MRTFB: variants seen among roughly 807,000 people sequenced by gnomAD.
MRTFB encodes myocardin-related transcription factor B.
A neutral mutation model predicts 104.2 loss-of-function variants in MRTFB; 29 were observed. The ratio of observed to expected loss-of-function variants is 0.28; its 90% confidence interval spans 0.21 to 0.38. MRTFB has a LOEUF of 0.38. Among genes scored for constraint, MRTFB ranks in the 10% least tolerant of loss-of-function variants. The pLI, the probability that MRTFB is intolerant of heterozygous loss-of-function variation, is 1.00. For synonymous variants in MRTFB, 535 were observed against 519.5 expected, an observed-to-expected ratio of 1.03 and a Z score of -0.41; for missense variants, 1,270 against 1,341.6, an observed-to-expected ratio of 0.95 and a Z score of 0.83.
chr16:14,017,987 GC>G, the MRTFB span, among the ~76,000 whole-genome samples: 1 of 151,814 alleles, frequency 6.6e-6, no homozygotes, highest in Non-Finnish European at 1.5e-5. Flanking sequence ...CTCCCAAAGT[GC>G]TGGGGTTACA....
chr16:14,207,735 G>T (rs890299804), intron 3 of MRTFB, among the ~76,000 whole-genome samples: 1 of 152,160 alleles, frequency 6.6e-6, no homozygotes, highest in Non-Finnish European at 1.5e-5. Flanking sequence ...CTTCCATTTG[G>T]CTATCCCTGA....
At chr16:14,198,729 T>A (rs2040549116) in intron 3 of MRTFB, among the ~76,000 whole-genome samples, 1 of 152,238 alleles carries the variant, frequency 6.6e-6, no homozygotes, top group South Asian at 2.1e-4. Flanking sequence ...AAAGCCATTA[T>A]CTGGGAACTC....
intron 3 of MRTFB, among the ~76,000 whole-genome samples, chr16:14,192,448 A>C (rs1471620372): frequency 6.6e-6 from 1 of 152,226 alleles, no homozygotes; most frequent in Non-Finnish European, 1.5e-5. Flanking sequence ...ATATCTCTTC[A>C]CAGACATTAT....
chr16:14,244,857 A>G lies in MRTFB; in HGVS notation c.1080-671A>G, dbSNP rs936525160. ...GTCCTGCACTGTGGCTTGACTTTTC[A>G]CTGTCTTAAAGATGTCCCTTTTACT... On this transcript the variant is annotated intron_variant, in intron 10 of 16. Transcript: ENST00000571589. Among the ~76,000 whole-genome samples, 10 of 152,112 alleles carry G rather than the reference A, an allele frequency of 6.6e-5. No individual in the cohort carries two copies. The East Asian group carries it at 1.7e-3, about 26-fold the overall frequency.
At chr16:14,242,239 C>A (rs1480230808) in intron 10 of MRTFB, among the ~76,000 whole-genome samples, 1 of 151,984 alleles carries the variant, frequency 6.6e-6, no homozygotes, top group Non-Finnish European at 1.5e-5. Context: ...TAGGAAGAAT[C>A]CATCAGAGGT....
At chr16:14,002,319 G>T in the MRTFB span, among the ~76,000 whole-genome samples, 1 of 151,924 alleles carries the variant, frequency 6.6e-6, no homozygotes, top group Admixed American at 6.6e-5. Context: ...GGAGGCGGAG[G>T]TTGCAGTGAG....
intron 3 of MRTFB, among the ~76,000 whole-genome samples, chr16:14,160,670 A>G (rs1035559030): frequency 7.3e-5 from 11 of 151,294 alleles, no homozygotes; most frequent in Admixed American, 7.2e-4. Context: ...TTCTCTATTC[A>G]CTAGCACTAT....
chr16:14,052,646 G>A, the MRTFB span, among the ~76,000 whole-genome samples: 1 of 151,764 alleles, frequency 6.6e-6, no homozygotes, highest in Non-Finnish European at 1.5e-5. Context: ...GTATGAGGCA[G>A]GAGAATCTCT....
intron 2 of MRTFB, among the ~76,000 whole-genome samples, chr16:14,096,462 T>C (rs1228993528): frequency 2.0e-5 from 3 of 152,202 alleles, no homozygotes; most frequent in African/African-American, 4.8e-5. Flanking sequence ...AGATTTTTAT[T>C]GATTATATGT....
chr16:14,096,230 G>A (rs1448688945), intron 2 of MRTFB, among the ~76,000 whole-genome samples: 2 of 151,906 alleles, frequency 1.3e-5, no homozygotes, highest in Non-Finnish European at 2.9e-5. Flanking sequence ...TGTCCACCAC[G>A]CCCAGCTAAT....
intron 8 of MRTFB, among the ~76,000 whole-genome samples, chr16:14,231,196 A>G (rs1026315154): frequency 1.3e-5 from 2 of 151,696 alleles, no homozygotes; most frequent in African/African-American, 4.9e-5. Flanking sequence ...TGACGAGTTA[A>G]TGGGTGCAGC....
intron 3 of MRTFB, among the ~76,000 whole-genome samples, chr16:14,194,392 G>A (rs528131947): frequency 1.3e-5 from 2 of 152,330 alleles, no homozygotes; most frequent in South Asian, 4.1e-4. Context: ...CTCTTCTCAT[G>A]AGGACACTAA....
chr16:14,249,143 T>C, intron 13 of MRTFB, 62 bp downstream of exon 13: 1 of 1,561,082 alleles, frequency 6.4e-7, no homozygotes, highest in Non-Finnish European at 8.7e-7. Flanking sequence ...GATCATCCAT[T>C]CAACAAGCAT....
At chr16:14,239,064 A>G (rs944011235) in intron 9 of MRTFB, among the ~76,000 whole-genome samples, 31 of 152,178 alleles carry the variant, frequency 2.0e-4, no homozygotes, top group African/African-American at 7.0e-4. Flanking sequence ...CATGAGTAAG[A>G]GCTGGCTCCA....
chr16:14,145,043 ATATT>A (rs1304904188), intron 3 of MRTFB, among the ~76,000 whole-genome samples: 3 of 149,670 alleles, frequency 2.0e-5, no homozygotes, highest in Non-Finnish European at 4.4e-5. Context: ...AAAAGCAAAT[ATATT>A]AATTTTTTTT....
the MRTFB span, among the ~76,000 whole-genome samples, chr16:14,064,621 G>A: frequency 7.9e-5 from 12 of 152,068 alleles, no homozygotes; most frequent in South Asian, 2.1e-4. Context: ...TTAATCCATC[G>A]AGTTGATTTT....
chr16:14,197,184 G>A (rs926197879), intron 3 of MRTFB, among the ~76,000 whole-genome samples: 3 of 151,810 alleles, frequency 2.0e-5, no homozygotes, highest in Non-Finnish European at 4.4e-5. Context: ...ATATTGGCCA[G>A]GCTGGTCTCG....
rs1306706671 is a variant in MRTFB, at chr16:14,085,194, G to T, written c.-64+5840G>T. On this transcript the variant is annotated intron_variant, in intron 2 of 16. Coordinates refer to ENST00000571589, the MANE Select transcript of MRTFB (RefSeq NM_001308142.2). ...CTTCTGGCCAGGTGTGGTGGCCCAC[G>T]CCTGTAATCCCAGCACTTTGGGTGG... Among the ~76,000 whole-genome samples the T allele has an allele frequency of 2.0e-5, 3 of 151,742 alleles. No homozygotes were observed. In the East Asian group the frequency reaches 5.8e-4, roughly 29 times the overall value.
chr16:14,123,680 A>G (rs970006860), intron 2 of MRTFB, among the ~76,000 whole-genome samples: 1 of 152,100 alleles, frequency 6.6e-6, no homozygotes, highest in Non-Finnish European at 1.5e-5. Context: ...GCCCTGTCAT[A>G]TAGTTTGAAG....
Sources: gnomAD v4.1 joint callset for allele counts (sites outside exome capture counted in the v4.1 genomes callset) on GRCh38, gnomAD v4.1.1 for gene constraint, MANE v1.5 for transcripts, NCBI Gene and HGNC (gene_info 2026-07-23, HGNC 2026-07-21) for gene names.